Variants in MYO16 observed in about 807,000 individuals in gnomAD.
MYO16 encodes the protein unconventional myosin-XVI.
A neutral mutation model predicts 205.3 loss-of-function variants in MYO16; 94 were observed. The ratio of observed to expected loss-of-function variants is 0.46; its 90% CI spans 0.39 to 0.54. The LOEUF (loss-of-function observed/expected upper bound fraction) is 0.54, where lower values mean the gene tolerates loss of function less well. MYO16 is among the 20% of genes least tolerant of loss of function. The pLI is 0.00. For missense variants in MYO16, 2,315 were observed against 2,387.5 expected (o/e 0.97, Z 0.63); for synonymous variants, 988 against 954.0 (o/e 1.04, Z -0.66).
At chr13:108,869,679 C>T (rs565847308) in intron 12 of MYO16, among the ~76,000 whole-genome samples, 1 of 132,304 alleles carries the variant, frequency 7.6e-6, no homozygotes, top group South Asian at 2.3e-4. Flanking sequence ...TGCAGTGAGC[C>T]GAGATCGTGC....
intron 31 of MYO16, among the ~76,000 whole-genome samples, chr13:109,131,304 C>A (rs929678889): frequency 2.6e-5 from 4 of 152,186 alleles, no homozygotes; most frequent in African/African-American, 9.7e-5. Context: ...GTAGGGTGAC[C>A]AGCACCACGG....
At chr13:108,633,872 C>G (rs1880099642) in intron 1 of MYO16, among the ~76,000 whole-genome samples, 1 of 152,176 alleles carries the variant, frequency 6.6e-6, no homozygotes, top group Non-Finnish European at 1.5e-5. Flanking sequence ...CTAACACACC[C>G]AGAAGCTGCT....
intron 34 of MYO16, among the ~76,000 whole-genome samples, chr13:109,185,626 A>T (rs181252906): frequency 1.3e-5 from 2 of 152,316 alleles, no homozygotes; most frequent in Admixed American, 6.5e-5. Flanking sequence ...GTATAAACTT[A>T]AAAAACAGTG....
At chr13:108,658,658 A>G (rs1881351292) in intron 1 of MYO16, among the ~76,000 whole-genome samples, 1 of 152,084 alleles carries the variant, frequency 6.6e-6, no homozygotes, top group Admixed American at 6.6e-5. Context: ...ACCATGCTTT[A>G]TGTAGAATTG....
At chr13:108,535,350 A>G in the MYO16 span, among the ~76,000 whole-genome samples, 1 of 152,090 alleles carries the variant, frequency 6.6e-6, no homozygotes, top group Non-Finnish European at 1.5e-5. Flanking sequence ...TTTCTTTCCT[A>G]TCTGTTGACT....
chr13:109,117,426 GTGTATATATA>G (rs145551138), intron 28 of MYO16, among the ~76,000 whole-genome samples: 27,979 of 142,488 alleles, frequency 0.2, 3,386 homozygotes, highest in East Asian at 0.59. Flanking sequence ...ATATGTATAT[GTGTATATATA>G]TGTATATATA....
intron 28 of MYO16, among the ~76,000 whole-genome samples, chr13:109,116,818 G>A (rs1875713672): frequency 6.6e-6 from 1 of 152,126 alleles, no homozygotes; most frequent in Admixed American, 6.5e-5. Flanking sequence ...GGCTGGGAAG[G>A]AGCAGGGTTG....
At chr13:108,541,297 AT>A in the MYO16 span, among the ~76,000 whole-genome samples, 1 of 151,640 alleles carries the variant, frequency 6.6e-6, no homozygotes, top group Non-Finnish European at 1.5e-5. Context: ...AAATGTGTCT[AT>A]ATAACATCTA....
chr13:108,503,745 G>A, the MYO16 span, among the ~76,000 whole-genome samples: 3 of 152,042 alleles, frequency 2.0e-5, no homozygotes, highest in Non-Finnish European at 4.4e-5. Flanking sequence ...AATTATATAT[G>A]TAATATATAT....
intron 9 of MYO16, among the ~76,000 whole-genome samples, chr13:108,832,732 T>C (rs1440142449): frequency 1.3e-5 from 2 of 152,204 alleles, no homozygotes; most frequent in African/African-American, 2.4e-5. Context: ...ATCATATTTG[T>C]ATATAGTCTT....
intron 31 of MYO16, among the ~76,000 whole-genome samples, chr13:109,131,048 A>G (rs901413184): frequency 6.6e-6 from 1 of 152,070 alleles, no homozygotes; most frequent in Non-Finnish European, 1.5e-5. Context: ...GTAACGTGTC[A>G]CAAAATTATT....
intron 4 of MYO16, among the ~76,000 whole-genome samples, chr13:108,756,940 A>G (rs555284580): frequency 6.6e-6 from 1 of 152,326 alleles, no homozygotes; most frequent in African/African-American, 2.4e-5. Flanking sequence ...GGATGGCTTA[A>G]TACGACAACT....
the MYO16 span, among the ~76,000 whole-genome samples, chr13:108,583,102 C>T: frequency 1.3e-5 from 2 of 152,064 alleles, no homozygotes; most frequent in South Asian, 2.1e-4. Context: ...AAAATTACAT[C>T]GTGTGCATTT....
At chr13:108,580,711 G>T in the MYO16 span, among the ~76,000 whole-genome samples, 4 of 152,266 alleles carry the variant, frequency 2.6e-5, no homozygotes, top group East Asian at 7.7e-4. Context: ...GGTGGAAGTG[G>T]AATGCCCCAT....
intron 9 of MYO16, among the ~76,000 whole-genome samples, chr13:108,841,771 CTATT>C (rs1407150092): frequency 6.6e-6 from 1 of 151,994 alleles, no homozygotes; most frequent in Non-Finnish European, 1.5e-5. Context: ...ATAGCAAAAG[CTATT>C]TATTTCAGAA....
At chr13:108,682,134 C>T (rs184358907) in intron 2 of MYO16, among the ~76,000 whole-genome samples, 3 of 152,316 alleles carry the variant, frequency 2.0e-5, no homozygotes, top group Admixed American at 1.3e-4. Context: ...CTCTTGGATA[C>T]CACTGATATT....
At chr13:108,909,895 G>A (rs1881176778) in intron 15 of MYO16, 108 bp from the exon 16 acceptor site, 5 of 1,140,332 alleles carry the variant, frequency 4.4e-6, no homozygotes, top group East Asian at 2.4e-5. Flanking sequence ...ATGGGAAAGG[G>A]AGAACTCAAC....
At chr13:108,923,544 C>G in intron 16 of MYO16, among the ~76,000 whole-genome samples, 1 of 152,358 alleles carries the variant, frequency 6.6e-6, no homozygotes, top group South Asian at 2.1e-4. Flanking sequence ...GGAGAGGGAA[C>G]ACCAGCTCGG....
chr13:109,001,256 A>C (rs1885202603), intron 21 of MYO16, among the ~76,000 whole-genome samples: 1 of 151,920 alleles, frequency 6.6e-6, no homozygotes, highest in Non-Finnish European at 1.5e-5. Flanking sequence ...AACAAAAACA[A>C]ATACGGCAGC....
Sources: allele counts gnomAD v4.1 joint callset (sites outside exome capture counted in the v4.1 genomes callset), GRCh38; gene constraint gnomAD v4.1.1; transcripts MANE v1.5; gene names NCBI Gene and HGNC (gene_info 2026-07-23, HGNC 2026-07-21).